The following RIF1 variants were observed in gnomAD, a reference collection of about 807,000 sequenced individuals.
RIF1 encodes the protein telomere-associated protein RIF1.
RIF1 carries 45 observed loss-of-function variants against 247.1 expected under a neutral mutation model. The observed-to-expected ratio is 0.18, with a 90% confidence interval of 0.14 to 0.23. The LOEUF (loss-of-function observed/expected upper bound fraction) is 0.23. RIF1 is among the 10% of genes least tolerant of loss of function. RIF1 has a pLI of 1.00. For synonymous variants in RIF1, 1,087 were observed against 978.8 expected (o/e 1.11, Z -2.06); for missense variants, 2,967 against 2,862.5 (o/e 1.04, Z -0.83).
At chr2:151,443,164 A>G (rs948040551) in intron 16 of RIF1, 95 bp from the exon 17 acceptor site, 8 of 795,356 alleles carry the variant, frequency 1.0e-5, no homozygotes, top group African/African-American at 1.8e-5. Flanking sequence ...TAAATTTGTC[A>G]TGCTAAAACA....
At position 151,436,809 on chromosome 2, in the gene RIF1, T is replaced by G; in HGVS notation, c.1196-18T>G. 6.6e-7 allele frequency: 1 copy of G among 1,511,780 alleles called. No individual in the cohort carries two copies. Among genetic ancestry groups the G allele is most frequent in the Non-Finnish European group, 8.9e-7 (1 of 1,126,776 alleles). 93.6% of individuals were successfully genotyped at this position (1,511,780 alleles called of 1,614,324 possible). On this transcript the variant is annotated intron_variant, in intron 11 of 35. Coordinates refer to ENST00000444746, the MANE Select transcript of RIF1 (RefSeq NM_018151.5). ...AATGAGCTTGTATGACTTAACTCTT[T>G]TTTTTTTTTTCTTAAAGGTGCTTCC...
intron 17 of RIF1, 98 bp from the exon 18 acceptor site, chr2:151,443,430 AT>A: frequency 2.2e-6 from 3 of 1,359,742 alleles, no homozygotes; most frequent in Non-Finnish European, 3.0e-6. Context: ...TTTAAAAAAA[AT>A]TCGTTAACTT....
Position 151,497,819 on chromosome 2 carries a change from G to T in RIF1, c.*514-1526G>T. The T allele has an allele frequency of 3.9e-6, 6 of 1,533,578 alleles. No individual in the cohort carries two copies. In the South Asian group the frequency reaches 7.5e-5, roughly 19 times the overall value. 95.0% of individuals were successfully genotyped at this position (1,533,578 alleles called of 1,614,324 possible). A position where few individuals can be genotyped will look rare whatever the true frequency, so the allele number is the denominator to read the frequency against. On this transcript the variant is annotated intron_variant and NMD_transcript_variant, in intron 10 of 13. Coordinates refer to the RIF1 transcript ENST00000454583. ...AAAAACACAGTCATCCAAGGAGCCA[G>T]AAGTTATATGCTGACAAAATGCCAC...
the RIF1 span, chr2:151,525,872 A>G: frequency 5.9e-6 from 6 of 1,019,520 alleles, no homozygotes; most frequent in Admixed American, 1.0e-4. Context: ...TACATAAAGG[A>G]AGCAAAAGGC....
At chr2:151,432,986 C>T (rs753706732) in intron 9 of RIF1, 91 bp from the exon 10 acceptor site, 1 of 986,138 alleles carries the variant, frequency 1.0e-6, no homozygotes, top group Non-Finnish European at 1.5e-6. Context: ...AATACGTTCT[C>T]TTGCTGTGAT....
downstream of RIF1, among the ~76,000 whole-genome samples, chr2:151,508,826 C>T (rs117543436): frequency 2.3e-3 from 348 of 152,362 alleles, 8 homozygotes; most frequent in East Asian, 0.044. Context: ...GCTGGAGAGA[C>T]GTGTCCATAT....
the RIF1 span, chr2:151,516,499 G>GT: frequency 1.2e-6 from 2 of 1,613,448 alleles, no homozygotes. Context: ...AGTGATGTAC[G>GT]TTGGTGTTTC....
chr2:151,461,985 C>T (rs536196398), intron 27 of RIF1, among the ~76,000 whole-genome samples: 4 of 152,102 alleles, frequency 2.6e-5, no homozygotes, highest in African/African-American at 7.2e-5. Context: ...GTGATCTTCC[C>T]GCATCAACCT....
In RIF1 at chr2:151,464,322, C is replaced by T; in HGVS notation, c.4802C>T (p.Ser1601Leu). Residue 1601 changes from serine (S) to leucine (L), a missense_variant, in exon 30 of 36, where the codon TCA (serine) becomes TTA (leucine). Physicochemically the swap from Ser to Leu is moderately radical, Grantham distance 145. Transcript: ENST00000444746. ...GAATGTATAAAAGCTGAAAATCAGT[C>T]ACATGATTATAAAGCAACTTCTGAA... Reference protein sequence around the residue: ...KQECIKAENQSHDYKATSEED... With the variant: ...KQECIKAENQLHDYKATSEED... 6.2e-7 allele frequency: 1 copy of T among 1,610,834 alleles called. No individual in the cohort carries two copies. The highest frequency in any genetic ancestry group is 8.5e-7 in the Non-Finnish European group (1 of 1,179,204).
chr2:151,456,703 T>A, intron 23 of RIF1, 83 bp downstream of exon 23: 1 of 824,310 alleles, frequency 1.2e-6, no homozygotes, highest in Non-Finnish European at 1.9e-6. Flanking sequence ...AACATAATTC[T>A]GCTGATTTTT....
intron 4 of RIF1, 143 bp downstream of exon 4, chr2:151,415,062 G>C: frequency 1.7e-6 from 1 of 600,734 alleles, no homozygotes; most frequent in East Asian, 2.9e-5. Flanking sequence ...AAGAAAGAAA[G>C]AATGGCTGGG....
At chr2:151,482,261 A>G (rs568447266), downstream of RIF1, 12 of 152,318 alleles carry the variant, frequency 7.9e-5, no homozygotes, top group Non-Finnish European at 1.5e-4. Context: ...GTTTAATTCA[A>G]ATACCACAAA....
chr2:151,423,060 G>C lies in RIF1; in HGVS notation c.786+18G>C, dbSNP rs1198219412. 1 of 1,348,682 alleles carries C rather than the reference G, an allele frequency of 7.4e-7. No individual in the cohort carries two copies. The highest frequency in any genetic ancestry group is 1.1e-6 in the Non-Finnish European group (1 of 943,024). 83.5% of individuals were successfully genotyped at this position (1,348,682 alleles called of 1,614,324 possible). ...TTGGAAGGGTAAGTGCCCAGTTAAT[G>C]AACAGTCAACAGTTTTTACATGCTG... On this transcript the variant is annotated intron_variant, in intron 8 of 35. Coordinates refer to ENST00000444746, the MANE Select transcript of RIF1 (RefSeq NM_018151.5).
chr2:151,462,443 G>A lies in RIF1; in HGVS notation c.3340G>A (p.Glu1114Lys), dbSNP rs1262436263. ...EIPTLTRKPK[E>K]DSKMMITEEQ... ...TCCTACTTTAACCAGAAAACCAAAG[G>A]AGGATTCTAAGATGATGATTACGGT... Residue 1114 changes from glutamate to lysine, a missense_variant, in exon 29 of 36, where the codon GAG becomes AAG. By Grantham distance (56) the Glu-to-Lys change is moderately conservative (BLOSUM62 1). This residue lies in a region of RIF1 where 2,028 missense variants were observed against 1,825.6 expected (regional missense o/e 1.11). Coordinates refer to ENST00000444746, the MANE Select transcript of RIF1 (RefSeq NM_018151.5). 4.5e-6 allele frequency: 7 copies of A among 1,562,946 alleles called. No homozygotes were observed. Among genetic ancestry groups the A allele is most frequent in the Admixed American group, 3.6e-5 (2 of 56,178 alleles).
At chr2:151,499,241 A>G in intron 10 of RIF1, 1 of 949,534 alleles carries the variant, frequency 1.1e-6, no homozygotes, top group Non-Finnish European at 1.6e-6. Context: ...AAATCTAGCC[A>G]TTAATCTTTT....
Position 151,475,410 on chromosome 2 carries a change from ATACTT to A in RIF1, c.*342_*346del, listed in dbSNP as rs550207708. The A allele has an allele frequency of 7.6e-5, 18 of 237,838 alleles. No individual in the cohort carries two copies. The highest frequency in any genetic ancestry group is 3.3e-3 in the Middle Eastern group (2 of 612). 14.7% of individuals were successfully genotyped at this position (237,838 alleles called of 1,614,324 possible). A position where few individuals can be genotyped will look rare whatever the true frequency, so the allele number is the denominator to read the frequency against. ...TGCATATTCTGGTGAAACATGTAAA[ATACTT>A]TAAGTAAAATTGAACATTTTTATTT... is the stretch of plus-strand genomic sequence containing the variant. On this transcript the variant is annotated 3_prime_UTR_variant, in exon 36 of 36. Transcript: ENST00000444746.
At chr2:151,516,462 A>G in the RIF1 span, 1 of 1,606,324 alleles carries the variant, frequency 6.2e-7, no homozygotes. Context: ...GACTTACCCC[A>G]CTCTGCATCT....
At chr2:151,424,766 T>G (rs1224065894) in intron 8 of RIF1, among the ~76,000 whole-genome samples, 1 of 146,446 alleles carries the variant, frequency 6.8e-6, no homozygotes, top group Non-Finnish European at 1.5e-5. Flanking sequence ...TCTCCCAGTC[T>G]CAAACCATCC....
At chr2:151,513,523 T>C in the RIF1 span, 3 of 1,252,186 alleles carry the variant, frequency 2.4e-6, no homozygotes, top group East Asian at 7.4e-5. Context: ...GGACACTTTA[T>C]GTCCTTAAAG....
Sources: allele counts gnomAD v4.1 joint callset (sites outside exome capture counted in the v4.1 genomes callset), GRCh38; gene constraint gnomAD v4.1.1; regional missense constraint gnomAD v4.1.1; transcripts MANE v1.5; gene names NCBI Gene and HGNC (gene_info 2026-07-23, HGNC 2026-07-21).